The following MAGOH variants were observed in gnomAD, a reference collection of about 807,000 sequenced individuals.
MAGOH encodes protein mago nashi homolog.
In MAGOH, 3 loss-of-function variants were observed where a neutral mutation model predicts 20.9. That is an observed-to-expected ratio of 0.14 (90% CI 0.07 to 0.37). The LOEUF (loss-of-function observed/expected upper bound fraction) is 0.37. Ranked by LOEUF, MAGOH falls within the 10% of genes least tolerant of loss-of-function variation. MAGOH has a pLI of 1.00. For missense variants in MAGOH, 66 were observed against 178.1 expected, an observed-to-expected ratio of 0.37 and a Z score of 3.58; for synonymous variants, 51 against 61.0, an observed-to-expected ratio of 0.84 and a Z score of 0.76.
chr1:53,227,660 C>A (rs1054238729), intron 4 of MAGOH, among the ~76,000 whole-genome samples: 2 of 152,142 alleles, frequency 1.3e-5, no homozygotes, highest in African/African-American at 4.8e-5. Flanking sequence ...CCTGCCTCAG[C>A]CTCCCGAGTA....
At chr1:53,236,949 C>G (rs1305981715) in intron 1 of MAGOH, among the ~76,000 whole-genome samples, 2 of 128,038 alleles carry the variant, frequency 1.6e-5, no homozygotes, top group South Asian at 5.0e-4. Flanking sequence ...CAACCAGTAT[C>G]TTTTTTTTTT....
intron 3 of MAGOH, among the ~76,000 whole-genome samples, chr1:53,230,443 G>T (rs748654984): frequency 6.6e-6 from 1 of 152,048 alleles, no homozygotes; most frequent in African/African-American, 2.4e-5. Context: ...TTAGATACAG[G>T]ATCTCACTCT....
At chr1:53,234,610 G>A (rs993371734) in intron 2 of MAGOH, among the ~76,000 whole-genome samples, 4 of 151,912 alleles carry the variant, frequency 2.6e-5, no homozygotes, top group East Asian at 1.9e-4. Context: ...TCCTGACCTC[G>A]TGATCCGCCC....
At chr1:53,229,834 C>T (rs76255344) in intron 3 of MAGOH, among the ~76,000 whole-genome samples, 1 of 152,038 alleles carries the variant, frequency 6.6e-6, no homozygotes, top group Non-Finnish European at 1.5e-5. Flanking sequence ...TGGGAGGATT[C>T]CTTCACCCCA....
intron 1 of MAGOH, among the ~76,000 whole-genome samples, chr1:53,235,973 T>C (rs867754026): frequency 1.3e-5 from 2 of 152,228 alleles, no homozygotes; most frequent in Non-Finnish European, 2.9e-5. Context: ...TACCGACACA[T>C]AGGACCTCCT....
chr1:53,228,099 C>T lies in MAGOH; in HGVS notation c.341+773G>A, dbSNP rs528520895. 2.0e-5 allele frequency among the ~76,000 whole-genome samples: 3 copies of T among 152,246 alleles called. No homozygotes were observed. In the South Asian group the frequency reaches 6.2e-4, roughly 32 times the overall value. ...CCACTGACAACATGAATTTTAAAAT[C>T]TTGATCCCTTTTCACCAAACCAATG... On this transcript the variant is annotated intron_variant, in intron 4 of 4. Transcript: ENST00000371470.
chr1:53,234,373 C>CTTT (rs71579963), intron 2 of MAGOH, among the ~76,000 whole-genome samples: 12 of 132,714 alleles, frequency 9.0e-5, no homozygotes, highest in African/African-American at 2.8e-4. Flanking sequence ...CCTGGTTATT[C>CTTT]TTTTTTTTTT....
intron 2 of MAGOH, 96 bp from the exon 3 acceptor site, chr1:53,233,748 C>T: frequency 1.2e-6 from 1 of 813,042 alleles, no homozygotes; most frequent in Non-Finnish European, 2.1e-6. Flanking sequence ...TTCCTGCAGA[C>T]TTATTTCTGG....
Position 53,233,617 on chromosome 1 carries a change from C to G in MAGOH, c.183G>C (p.Lys61Asn). Residue 61 changes from lysine to asparagine, a missense_variant, in exon 3 of 5, where the codon AAG becomes AAC. Lys to Asn is a moderately conservative substitution (Grantham distance 94). Transcript: ENST00000371470. ...YVHKSVMEEL[K>N]RIIDDSEITK... is the part of the protein sequence containing the mutation. ...TAATTTCACTGTCGTCAATTATTCT[C>G]TTCAGTTCCTCCATCACGCTTTTAT... The G allele has an allele frequency of 1.9e-6, 3 of 1,614,052 alleles. No individual in the cohort carries two copies. Among genetic ancestry groups the G allele is most frequent in the Non-Finnish European group, 1.7e-6 (2 of 1,179,914 alleles).
At chr1:53,232,695 C>T (rs1381392315) in intron 3 of MAGOH, among the ~76,000 whole-genome samples, 1 of 152,146 alleles carries the variant, frequency 6.6e-6, no homozygotes, top group East Asian at 1.9e-4. Context: ...GGTTTGAACA[C>T]CATGACAGAT....
At chr1:53,235,195 C>A (rs900288050) in intron 2 of MAGOH, among the ~76,000 whole-genome samples, 3 of 152,124 alleles carry the variant, frequency 2.0e-5, no homozygotes, top group Non-Finnish European at 2.9e-5. Flanking sequence ...GAATATAGAG[C>A]ACTTTAAATA....
At chr1:53,233,886 G>T in intron 2 of MAGOH, 1 of 383,498 alleles carries the variant, frequency 2.6e-6, no homozygotes, top group Non-Finnish European at 4.8e-6. Context: ...GGTACATCCT[G>T]TTCACATGGC....
chr1:53,227,928 T>C (rs1353247897), intron 4 of MAGOH, among the ~76,000 whole-genome samples: 1 of 152,038 alleles, frequency 6.6e-6, no homozygotes, highest in Admixed American at 6.6e-5. Context: ...AAGAAGAGTG[T>C]CCAAAGGAAG....
At position 53,226,982 on chromosome 1, in the gene MAGOH, T is replaced by C. The variant is rs540734079; in HGVS notation, c.*63A>G. On this transcript the variant is annotated 3_prime_UTR_variant, in exon 5 of 5. Coordinates refer to ENST00000371470, the MANE Select transcript of MAGOH (RefSeq NM_002370.4). Reference sequence around the variant, plus strand: ...TCATTTATAGTTCATAAAAAAATACTGCCCTGATATACACAAAATTTTCTA... The same window carrying C: ...TCATTTATAGTTCATAAAAAAATACCGCCCTGATATACACAAAATTTTCTA... 2.5e-6 allele frequency: 2 copies of C among 784,420 alleles called. No individual in the cohort carries two copies. The highest frequency in any genetic ancestry group is 3.5e-5 in the South Asian group (2 of 56,866). 48.6% of individuals were successfully genotyped at this position (784,420 alleles called of 1,614,324 possible).
At chr1:53,227,560 G>C (rs1645566519) in intron 4 of MAGOH, among the ~76,000 whole-genome samples, 1 of 152,022 alleles carries the variant, frequency 6.6e-6, no homozygotes, top group South Asian at 2.1e-4. Flanking sequence ...TGTTTTTTGA[G>C]ACAGAGTTTT....
intron 1 of MAGOH, among the ~76,000 whole-genome samples, chr1:53,237,979 A>G (rs1645621513): frequency 6.6e-6 from 1 of 152,240 alleles, no homozygotes; most frequent in South Asian, 2.1e-4. Context: ...TGGCCAACCT[A>G]TCTAAAAGCA....
At chr1:53,232,423 T>C (rs147381581) in intron 3 of MAGOH, among the ~76,000 whole-genome samples, 10 of 152,246 alleles carry the variant, frequency 6.6e-5, no homozygotes, top group Admixed American at 2.0e-4. Context: ...ACAACACATA[T>C]TGTGATAAAA....
At position 53,233,708 on chromosome 1, in the gene MAGOH, T is replaced by G. The variant is rs189105359; in HGVS notation, c.148-56A>C. On this transcript the variant is annotated intron_variant, in intron 2 of 4. Coordinates refer to ENST00000371470, the MANE Select transcript of MAGOH (RefSeq NM_002370.4). ...TTGTATCCTTAAGCAGTGCTTTGAC[T>G]CAGATAGTGATGGAAGATAAAAATA... is the stretch of plus-strand genomic sequence containing the variant. 28 of 1,089,040 alleles carry G rather than the reference T, an allele frequency of 2.6e-5. No individual in the cohort carries two copies. The African/African-American group carries it at 4.2e-4, about 16-fold the overall frequency. 67.5% of individuals were successfully genotyped at this position (1,089,040 alleles called of 1,614,324 possible).
intron 1 of MAGOH, 25 bp downstream of exon 1, chr1:53,238,336 C>T: frequency 6.2e-7 from 1 of 1,613,228 alleles, no homozygotes; most frequent in South Asian, 1.1e-5. Context: ...GTCCCCGCTC[C>T]CGGCGGGCGG....
Sources: allele counts gnomAD v4.1 joint callset (sites outside exome capture counted in the v4.1 genomes callset), GRCh38; gene constraint gnomAD v4.1.1; transcripts MANE v1.5; gene names NCBI Gene and HGNC (gene_info 2026-07-23, HGNC 2026-07-21).